PTPRT: variants seen among roughly 807,000 people sequenced by gnomAD.
PTPRT encodes protein tyrosine phosphatase receptor type T.
A neutral mutation model predicts 176.8 loss-of-function variants in PTPRT; 56 were observed. The observed-to-expected ratio is 0.32, with a 90% CI of 0.26 to 0.40. PTPRT has a LOEUF of 0.40. Among genes scored for constraint, PTPRT ranks in the 10% least tolerant of loss-of-function variants. PTPRT has a pLI of 1.00. For missense variants in PTPRT, 1,540 were observed against 1,908.2 expected (o/e 0.81, Z 3.60); for synonymous variants, 783 against 739.0 (o/e 1.06, Z -0.96).
At chr20:42,044,885 A>G in the PTPRT span, among the ~76,000 whole-genome samples, 1 of 151,716 alleles carries the variant, frequency 6.6e-6, no homozygotes, top group African/African-American at 2.4e-5. Context: ...CTTTGTGGAA[A>G]CTCTAGGGAA....
At chr20:42,443,527 C>T (rs1048135932) in intron 9 of PTPRT, among the ~76,000 whole-genome samples, 5 of 152,230 alleles carry the variant, frequency 3.3e-5, no homozygotes, top group African/African-American at 1.2e-4. Context: ...AGGCCATGGT[C>T]TAATTCATCT....
At chr20:42,928,567 C>A (rs1360582195) in intron 1 of PTPRT, among the ~76,000 whole-genome samples, 2 of 152,104 alleles carry the variant, frequency 1.3e-5, no homozygotes, top group Non-Finnish European at 2.9e-5. Context: ...TGGGGAGACC[C>A]TACCATGGTG....
At position 42,428,309 on chromosome 20, in the gene PTPRT, T is replaced by C. The variant is rs571003736; in HGVS notation, c.1560+19911A>G. On this transcript the variant is annotated intron_variant, in intron 9 of 30. Coordinates refer to ENST00000373187, the MANE Select transcript of PTPRT (RefSeq NM_007050.6). ...ATTGAGGTTATAGAAGCAGTCATCC[T>C]GGTGGCCCAGGTTAGGTTTCTTTTC... is the stretch of plus-strand genomic sequence containing the variant. 1.4e-4 allele frequency among the ~76,000 whole-genome samples: 21 copies of C among 152,362 alleles called. No individual in the cohort carries two copies. In the South Asian group the frequency reaches 4.4e-3, roughly 32 times the overall value.
chr20:43,010,961 G>A (rs1985085514), intron 1 of PTPRT, among the ~76,000 whole-genome samples: 1 of 152,176 alleles, frequency 6.6e-6, no homozygotes, highest in Admixed American at 6.5e-5. Flanking sequence ...GTGTGTCAAA[G>A]CAGAGACAAG....
At chr20:42,090,707 G>C (rs139952658) in intron 27 of PTPRT, among the ~76,000 whole-genome samples, 1 of 152,194 alleles carries the variant, frequency 6.6e-6, no homozygotes, top group Non-Finnish European at 1.5e-5. Context: ...AACTCCTGGG[G>C]AGGGAAAGCT....
intron 7 of PTPRT, among the ~76,000 whole-genome samples, chr20:42,615,107 C>A (rs1285721469): frequency 1.9e-5 from 2 of 102,628 alleles, no homozygotes; most frequent in Non-Finnish European, 3.7e-5. Context: ...CCACCACAGT[C>A]CCCAGAGTGT....
At chr20:42,639,849 C>T (rs976255503) in intron 7 of PTPRT, among the ~76,000 whole-genome samples, 1 of 152,040 alleles carries the variant, frequency 6.6e-6, no homozygotes, top group Non-Finnish European at 1.5e-5. Context: ...CCATTCTTTC[C>T]AGGCACCTGT....
rs369634464 is a variant in PTPRT at position 42,752,071 on chromosome 20, G to A, written c.859+4391C>T. ...CTCTTCTTATACTCGGCACATCACCGTGTACCAACAGAGAACTGGGCCACA... is the reference window on the plus strand; with the variant it reads ...CTCTTCTTATACTCGGCACATCACCATGTACCAACAGAGAACTGGGCCACA... On this transcript the variant is annotated intron_variant, in intron 6 of 30. Transcript: ENST00000373187. 3.0e-4 allele frequency among the ~76,000 whole-genome samples: 46 copies of A among 151,862 alleles called. No homozygotes were observed. The South Asian group carries it at 8.4e-3, about 28-fold the overall frequency.
intron 1 of PTPRT, among the ~76,000 whole-genome samples, chr20:43,184,149 T>C (rs756147907): frequency 3.3e-5 from 5 of 152,266 alleles, no homozygotes; most frequent in Non-Finnish European, 7.3e-5. Flanking sequence ...AACTGAATAT[T>C]CAAGAAATGT....
intron 1 of PTPRT, among the ~76,000 whole-genome samples, chr20:42,955,846 G>GGAGT (rs1298621355): frequency 2.8e-5 from 4 of 142,420 alleles, no homozygotes; most frequent in African/African-American, 1.0e-4. Context: ...AAGGAGGGAG[G>GGAGT]GAGGGAGAAG....
chr20:43,045,193 G>A (rs1170781756), intron 1 of PTPRT, among the ~76,000 whole-genome samples: 4 of 152,194 alleles, frequency 2.6e-5, no homozygotes, highest in African/African-American at 9.7e-5. Context: ...GAGCACCCAA[G>A]TCCAAAGGGT....
chr20:42,594,900 C>G (rs567145498), intron 7 of PTPRT, among the ~76,000 whole-genome samples: 1 of 152,124 alleles, frequency 6.6e-6, no homozygotes, highest in Non-Finnish European at 1.5e-5. Flanking sequence ...TGGTGTATGA[C>G]GTGGGAACCC....
chr20:42,138,478 T>C (rs546997538), intron 18 of PTPRT, among the ~76,000 whole-genome samples: 44 of 152,346 alleles, frequency 2.9e-4, no homozygotes, highest in Non-Finnish European at 4.3e-4. Flanking sequence ...TCCCTTGTAG[T>C]CTTTCTACAT....
intron 8 of PTPRT, among the ~76,000 whole-genome samples, chr20:42,451,140 G>A (rs2070820442): frequency 6.6e-6 from 1 of 152,104 alleles, no homozygotes; most frequent in Admixed American, 6.6e-5. Flanking sequence ...AACGTGGACT[G>A]GAATGATGGT....
intron 1 of PTPRT, among the ~76,000 whole-genome samples, chr20:43,031,696 C>A (rs749882032): frequency 2.6e-5 from 4 of 152,136 alleles, no homozygotes; most frequent in Admixed American, 2.6e-4. Flanking sequence ...TCTCCCCATA[C>A]ATTTTGGTAT....
intron 7 of PTPRT, among the ~76,000 whole-genome samples, chr20:42,485,883 G>A (rs1399175012): frequency 6.6e-6 from 1 of 152,196 alleles, no homozygotes; most frequent in Non-Finnish European, 1.5e-5. Flanking sequence ...GAAAACCACT[G>A]TCAGTTGAGG....
At chr20:42,630,594 C>G (rs896332172) in intron 7 of PTPRT, among the ~76,000 whole-genome samples, 3 of 152,144 alleles carry the variant, frequency 2.0e-5, no homozygotes, top group Non-Finnish European at 2.9e-5. Flanking sequence ...TTGCTTGATT[C>G]AGAAGGTAAA....
intron 4 of PTPRT, among the ~76,000 whole-genome samples, chr20:42,774,060 T>C (rs891958322): frequency 9.9e-5 from 15 of 152,174 alleles, no homozygotes; most frequent in African/African-American, 3.4e-4. Flanking sequence ...GGTTCAGTGG[T>C]AGAGAGTTTA....
rs1182129019 is a variant in PTPRT, at chr20:43,189,285, C to A, written c.88+361G>T. Among the ~76,000 whole-genome samples the A allele has an allele frequency of 1.3e-5, 2 of 152,012 alleles. No individual in the cohort carries two copies. Among genetic ancestry groups the A allele is most frequent in the Admixed American group, 6.5e-5 (1 of 15,268 alleles). ...GAACGCTCCACCCCGGGCGTCGGTG[C>A]CGCTCCTCGTCTCGCCGCCCCAAAC... On this transcript the variant is annotated intron_variant, in intron 1 of 30. Coordinates refer to ENST00000373187, the MANE Select transcript of PTPRT (RefSeq NM_007050.6). The surrounding 1 kb of genome is among the most constrained non-coding windows in gnomAD (Gnocchi z 5.0).
Sources: allele counts gnomAD v4.1 joint callset (sites outside exome capture counted in the v4.1 genomes callset), GRCh38; gene constraint gnomAD v4.1.1; non-coding constraint Gnocchi (gnomAD v3.1); transcripts MANE v1.5; gene names NCBI Gene and HGNC (gene_info 2026-07-23, HGNC 2026-07-21).